The following CD109 variants were observed in gnomAD, a reference collection of about 807,000 sequenced individuals.
CD109 encodes CD109 molecule, also known as CD109 antigen.
A neutral mutation model predicts 165.8 loss-of-function variants in CD109; 149 were observed. The ratio of observed to expected loss-of-function variants is 0.90; its 90% CI spans 0.79 to 1.03. The LOEUF (loss-of-function observed/expected upper bound fraction) is 1.03. Ranked by LOEUF, CD109 falls within the 50% of genes least tolerant of loss-of-function variation. The probability of loss-of-function intolerance (pLI) is 0.00; values close to 1 mark genes in which losing one functional copy is unlikely to be tolerated. For missense variants in CD109, 1,712 were observed against 1,677.8 expected (o/e 1.02, Z -0.36); for synonymous variants, 585 against 592.1 (o/e 0.99, Z 0.18).
chr6:73,798,389 A>G lies in CD109; in HGVS notation c.2879-4831A>G, dbSNP rs953041839. On this transcript the variant is annotated intron_variant, in intron 23 of 32. Coordinates refer to ENST00000287097, the MANE Select transcript of CD109 (RefSeq NM_133493.5). ...CTTGGCCTCCCAAAGTGCTGGGATTATAGGCATGAGCCACTGTGCCTGGAC... is the reference window on the plus strand; with the variant it reads ...CTTGGCCTCCCAAAGTGCTGGGATTGTAGGCATGAGCCACTGTGCCTGGAC... Among the ~76,000 whole-genome samples, 3 of 152,172 alleles carry G rather than the reference A, an allele frequency of 2.0e-5. 1 individual carries two copies. The South Asian group carries it at 6.2e-4, about 32-fold the overall frequency.
chr6:73,685,900 A>T, the CD109 span, among the ~76,000 whole-genome samples: 10 of 152,224 alleles, frequency 6.6e-5, no homozygotes, highest in Middle Eastern at 3.4e-3. Flanking sequence ...TCTGATTTGG[A>T]TGTCTTTGTA....
intron 2 of CD109, among the ~76,000 whole-genome samples, chr6:73,699,032 G>A (rs1770958889): frequency 6.6e-6 from 1 of 152,186 alleles, no homozygotes; most frequent in Admixed American, 6.6e-5. Context: ...AGAAGAGGAT[G>A]CAGAAAGTCC....
chr6:73,785,736 C>A (rs1159107282), intron 20 of CD109, among the ~76,000 whole-genome samples: 1 of 152,112 alleles, frequency 6.6e-6, no homozygotes, highest in Non-Finnish European at 1.5e-5. Flanking sequence ...TCCTTATTGT[C>A]TCTGAAGCAT....
At chr6:73,778,697 G>T (rs1420748038) in intron 15 of CD109, among the ~76,000 whole-genome samples, 4 of 151,976 alleles carry the variant, frequency 2.6e-5, no homozygotes, top group Non-Finnish European at 5.9e-5. Context: ...ATTGGTGCCT[G>T]TTCTAGTTGC....
chr6:73,749,970 G>A (rs961022748), intron 5 of CD109, among the ~76,000 whole-genome samples: 3 of 152,150 alleles, frequency 2.0e-5, no homozygotes, highest in African/African-American at 4.8e-5. Flanking sequence ...AGACTACCAG[G>A]GGGTTAGTAT....
In CD109 at chr6:73,730,388, C is replaced by T. The variant is rs151159309; in HGVS notation, c.321C>T (p.Thr107=). The change falls in exon 4 of 33, where the codon ACC becomes ACT. Residue 107 remains threonine, a synonymous_variant. Coordinates refer to ENST00000287097, the MANE Select transcript of CD109 (RefSeq NM_133493.5). ...SADEIYELRV[T]GRTQDEILFS... is the part of the protein sequence containing the mutation. ...ATGAGATTTATGAGCTACGTGTAAC[C>T]GGACGTACCCAGGATGAGATTTTAT... is the stretch of plus-strand genomic sequence containing the variant. The T allele has an allele frequency of 8.1e-5, 130 of 1,613,858 alleles. No individual in the cohort carries two copies. Among genetic ancestry groups the T allele is most frequent in the African/African-American group, 4.7e-4 (35 of 75,006 alleles).
intron 19 of CD109, among the ~76,000 whole-genome samples, chr6:73,784,136 A>C (rs1287144235): frequency 1.3e-5 from 2 of 152,160 alleles, no homozygotes; most frequent in Non-Finnish European, 2.9e-5. Flanking sequence ...GAGAGGAGAG[A>C]GAGAGTGAGT....
chr6:73,823,373 T>G, intron 32 of CD109, 85 bp from the exon 33 acceptor site: 1 of 981,166 alleles, frequency 1.0e-6, no homozygotes, highest in Non-Finnish European at 1.5e-6. Context: ...CTCAGAAAAG[T>G]GTATCGAAAT....
At chr6:73,822,610 A>C (rs748013737) in intron 32 of CD109, among the ~76,000 whole-genome samples, 2 of 152,246 alleles carry the variant, frequency 1.3e-5, no homozygotes, top group Non-Finnish European at 2.9e-5. Flanking sequence ...CTTAGTTGCA[A>C]AATTCCCCAA....
the CD109 span, among the ~76,000 whole-genome samples, chr6:73,682,323 A>C: frequency 6.6e-6 from 1 of 152,176 alleles, no homozygotes; most frequent in Non-Finnish European, 1.5e-5. Context: ...GCCAAAACAA[A>C]GGGGCTACAC....
intron 15 of CD109, among the ~76,000 whole-genome samples, chr6:73,774,062 A>T (rs971557625): frequency 4.6e-5 from 7 of 151,948 alleles, no homozygotes; most frequent in African/African-American, 1.5e-4. Flanking sequence ...TATGTTTTTA[A>T]TATCTATTAT....
intron 24 of CD109, among the ~76,000 whole-genome samples, chr6:73,804,963 C>A (rs138309208): frequency 1.3e-5 from 2 of 152,152 alleles, no homozygotes; most frequent in Non-Finnish European, 2.9e-5. Context: ...CCATCTCACA[C>A]CAGTTAGAAT....
At chr6:73,698,833 C>T (rs1475388840) in intron 2 of CD109, among the ~76,000 whole-genome samples, 3 of 152,180 alleles carry the variant, frequency 2.0e-5, no homozygotes, top group Non-Finnish European at 2.9e-5. Context: ...AATCCTGGTA[C>T]TACTTTGCTA....
In CD109 at chr6:73,826,074, G is replaced by T. The variant is rs1285599034; in HGVS notation, c.*2441G>T. On this transcript the variant is annotated 3_prime_UTR_variant, in exon 33 of 33. Transcript: ENST00000287097. ...GACAACAATGAGAAGGAACATAAAGGGTTAGCTAGCACTGTCTCCTGGTGC... is the reference window on the plus strand; with the variant it reads ...GACAACAATGAGAAGGAACATAAAGTGTTAGCTAGCACTGTCTCCTGGTGC... 6.6e-6 allele frequency: 1 copy of T among 152,054 alleles called. No individual in the cohort carries two copies. Among genetic ancestry groups the T allele is most frequent in the African/African-American group, 2.4e-5 (1 of 41,418 alleles). The allele number at this position is 152,054 out of a possible 1,614,324, so 9.4% of individuals were successfully genotyped here.
chr6:73,763,907 T>C (rs575662033), intron 10 of CD109, among the ~76,000 whole-genome samples: 1 of 152,272 alleles, frequency 6.6e-6, no homozygotes, highest in African/African-American at 2.4e-5. Context: ...TTTGAAAATG[T>C]ATTTTTTTTT....
At chr6:73,689,114 C>T in the CD109 span, among the ~76,000 whole-genome samples, 118 of 152,178 alleles carry the variant, frequency 7.8e-4, no homozygotes, top group African/African-American at 2.5e-3. Context: ...TTCCATTGGG[C>T]GACATCTTTC....
At chr6:73,761,065 AC>A (rs1217444339) in intron 7 of CD109, among the ~76,000 whole-genome samples, 4 of 141,808 alleles carry the variant, frequency 2.8e-5, no homozygotes, top group Non-Finnish European at 4.7e-5. Flanking sequence ...ACACACACAC[AC>A]ACACAAACCC....
chr6:73,694,465 C>T (rs1770756618), upstream of CD109: 1 of 152,152 alleles, frequency 6.6e-6, no homozygotes, highest in Non-Finnish European at 1.5e-5. Flanking sequence ...TCTCGGGAGG[C>T]AACATTATCA....
chr6:73,792,793 A>C lies in CD109; in HGVS notation c.2869A>C (p.Met957Leu). Residue 957 changes from methionine to leucine, a missense_variant, in exon 23 of 33, where the codon ATG becomes CTG. Met to Leu is a conservative substitution (Grantham distance 15, BLOSUM62 2). Transcript: ENST00000287097. ...TTTGAAAGAAAAAGCTCTTTCATTT[A>C]TGAGGCAAGGTAAGCATTTTAGAGA... Reference protein sequence around the residue: ...DNLKEKALSFMRQGYQRELLY... With the variant: ...DNLKEKALSFLRQGYQRELLY... 1 of 1,608,064 alleles carries C rather than the reference A, an allele frequency of 6.2e-7. No homozygotes were observed. The highest frequency in any genetic ancestry group is 2.2e-5 in the East Asian group (1 of 44,842).
Sources: allele counts gnomAD v4.1 joint callset (sites outside exome capture counted in the v4.1 genomes callset), GRCh38; gene constraint gnomAD v4.1.1; transcripts MANE v1.5; gene names NCBI Gene and HGNC (gene_info 2026-07-23, HGNC 2026-07-21).